Variants in POU6F2 observed in about 807,000 individuals in gnomAD.
POU6F2 encodes the protein POU domain, class 6, transcription factor 2.
Under a neutral mutation model 71.3 loss-of-function variants are expected in POU6F2, and 31 were observed. The observed-to-expected ratio is 0.43, with a 90% confidence interval of 0.33 to 0.59. The LOEUF is 0.59. Among genes scored for constraint, POU6F2 ranks in the 20% least tolerant of loss-of-function variants. POU6F2 has a pLI of 0.04. For synonymous variants in POU6F2, 347 were observed against 355.7 expected (o/e 0.98, Z 0.27); for missense variants, 783 against 856.8 (o/e 0.91, Z 1.07).
intron 2 of POU6F2, among the ~76,000 whole-genome samples, chr7:39,167,739 G>A (rs971454783): frequency 6.6e-6 from 1 of 151,518 alleles, no homozygotes; most frequent in Admixed American, 6.6e-5. Flanking sequence ...TGTATTGTTG[G>A]TGTATAGGCA....
chr7:39,082,031 T>C (rs891644993), intron 1 of POU6F2, among the ~76,000 whole-genome samples: 8 of 152,216 alleles, frequency 5.3e-5, no homozygotes, highest in African/African-American at 1.9e-4. Context: ...TGGGGTAACA[T>C]TAGATCCATC....
Position 39,323,500 on chromosome 7 carries a change from A to G in POU6F2, c.599-16142A>G, listed in dbSNP as rs186483340. On this transcript the variant is annotated intron_variant, in intron 4 of 9. Coordinates refer to ENST00000518318, the MANE Select transcript of POU6F2 (RefSeq NM_001370959.1). ...CCCCGTCTGCTGGCTGTGGATGGCCATGCACCATCAGCTTCTACCTCTGGA... is the reference window on the plus strand; with the variant it reads ...CCCCGTCTGCTGGCTGTGGATGGCCGTGCACCATCAGCTTCTACCTCTGGA... Among the ~76,000 whole-genome samples, 8 of 152,268 alleles carry G rather than the reference A, an allele frequency of 5.3e-5. No homozygotes were observed. In the East Asian group the frequency reaches 1.4e-3, roughly 26 times the overall value.
intron 2 of POU6F2, among the ~76,000 whole-genome samples, chr7:39,173,124 T>C (rs532607720): frequency 6.6e-6 from 1 of 152,326 alleles, no homozygotes; most frequent in East Asian, 1.9e-4. Flanking sequence ...GATATAAAAA[T>C]TACTAATGAG....
rs563645749 is a variant in POU6F2 at position 39,242,140 on chromosome 7, T to G, written c.598+34520T>G. On this transcript the variant is annotated intron_variant, in intron 4 of 9. Transcript: ENST00000518318. ...AAGGATATTTAGATGGTTTCCCTTT[T>G]ATTTTGGCAATGATAAACCCACTGT... 3.9e-5 allele frequency among the ~76,000 whole-genome samples: 6 copies of G among 152,298 alleles called. No homozygotes were observed. In the East Asian group the frequency reaches 1.2e-3, roughly 29 times the overall value.
intron 1 of POU6F2, among the ~76,000 whole-genome samples, chr7:39,062,383 T>C (rs771764785): frequency 5.9e-5 from 9 of 151,752 alleles, no homozygotes; most frequent in South Asian, 2.1e-4. Context: ...ACTCATGGGG[T>C]ATCATATTAG....
intron 4 of POU6F2, among the ~76,000 whole-genome samples, chr7:39,236,610 A>C (rs1417041133): frequency 2.6e-5 from 4 of 152,116 alleles, no homozygotes; most frequent in African/African-American, 9.7e-5. Flanking sequence ...CCTGGTGGAA[A>C]ATTTCATTTA....
chr7:38,990,499 G>A (rs967876391), intron 1 of POU6F2, among the ~76,000 whole-genome samples: 1 of 151,990 alleles, frequency 6.6e-6, no homozygotes, highest in East Asian at 1.9e-4. Flanking sequence ...ATCTCCTTTC[G>A]CTTTTACAAA....
intron 1 of POU6F2, among the ~76,000 whole-genome samples, chr7:38,995,986 C>T (rs1372727898): frequency 2.0e-5 from 3 of 148,364 alleles, no homozygotes; most frequent in African/African-American, 5.0e-5. Flanking sequence ...GCCTTTTGTG[C>T]AAGATATTGC....
chr7:39,313,882 T>C (rs1403678538), intron 4 of POU6F2, among the ~76,000 whole-genome samples: 2 of 152,222 alleles, frequency 1.3e-5, no homozygotes, highest in African/African-American at 4.8e-5. Flanking sequence ...TCATAAATGC[T>C]GAGCTTCCCT....
At chr7:39,096,193 T>C (rs762813077) in intron 2 of POU6F2, among the ~76,000 whole-genome samples, 16 of 152,078 alleles carry the variant, frequency 1.1e-4, no homozygotes, top group East Asian at 5.8e-4. Context: ...TACTTCCACA[T>C]GAGCTCTCAA....
At chr7:39,362,283 A>G (rs867758328) in intron 5 of POU6F2, among the ~76,000 whole-genome samples, 16,517 of 97,694 alleles carry the variant, frequency 0.17, 1,120 homozygotes, top group Non-Finnish European at 0.24. Context: ...AATGGCCAGA[A>G]AAAAAAAAAA....
At chr7:39,054,767 T>A (rs1212254914) in intron 1 of POU6F2, among the ~76,000 whole-genome samples, 2 of 108,578 alleles carry the variant, frequency 1.8e-5, no homozygotes, top group Non-Finnish European at 3.7e-5. Flanking sequence ...AGATCAGAGC[T>A]TTTTGGAGAC....
At chr7:39,281,927 A>G (rs1024126926) in intron 4 of POU6F2, among the ~76,000 whole-genome samples, 11 of 152,174 alleles carry the variant, frequency 7.2e-5, no homozygotes, top group African/African-American at 2.7e-4. Flanking sequence ...CCAACAGTGT[A>G]TAAGAGTTCC....
chr7:39,195,730 G>C (rs1201301813), intron 2 of POU6F2, among the ~76,000 whole-genome samples: 4 of 152,138 alleles, frequency 2.6e-5, no homozygotes, highest in Non-Finnish European at 5.9e-5. Flanking sequence ...GCTGCAAAGA[G>C]AGCCTTGGAG....
chr7:39,464,050 G>C lies in POU6F2; in HGVS notation c.1659-132G>C. The C allele has an allele frequency of 8.1e-7, 1 of 1,230,928 alleles. No individual in the cohort carries two copies. The highest frequency in any genetic ancestry group is 1.1e-6 in the Non-Finnish European group (1 of 874,068). The allele number at this position is 1,230,928 out of a possible 1,614,324, so 76.3% of individuals were successfully genotyped here. ...GGAGGGTGGGCGCTGGCTTGGGCAG[G>C]GCTGGCTACCTTGCAGCTGGCTATT... On this transcript the variant is annotated intron_variant, in intron 9 of 9. Coordinates refer to ENST00000518318, the MANE Select transcript of POU6F2 (RefSeq NM_001370959.1). This position sits in a 1 kb window ranked among gnomAD's most constrained non-coding sequence, Gnocchi z 4.1.
intron 2 of POU6F2, among the ~76,000 whole-genome samples, chr7:39,117,423 C>A (rs1335274503): frequency 2.0e-5 from 3 of 152,104 alleles, no homozygotes; most frequent in African/African-American, 7.2e-5. Flanking sequence ...TGAAAACATG[C>A]ATTTTTCTTC....
At chr7:39,056,037 CTTTGT>C (rs1790510081) in intron 1 of POU6F2, among the ~76,000 whole-genome samples, 1 of 150,610 alleles carries the variant, frequency 6.6e-6, no homozygotes, top group Non-Finnish European at 1.5e-5. Context: ...TTGGTATTTG[CTTTGT>C]TTTATTTGCA....
chr7:39,397,814 G>GTATATATATATATA (rs150006644), intron 5 of POU6F2, among the ~76,000 whole-genome samples: 6,178 of 128,152 alleles, frequency 0.048, 205 homozygotes, highest in Non-Finnish European at 0.056. Flanking sequence ...TATATTTTGT[G>GTATATATATATATA]TATATATATA....
chr7:39,080,755 T>C (rs965101065), intron 1 of POU6F2, among the ~76,000 whole-genome samples: 5 of 152,190 alleles, frequency 3.3e-5, no homozygotes, highest in African/African-American at 1.2e-4. Context: ...TCAAGCTCAG[T>C]GTAGAGAGAT....
Sources: gnomAD v4.1 joint callset for allele counts (sites outside exome capture counted in the v4.1 genomes callset) on GRCh38, gnomAD v4.1.1 for gene constraint, Gnocchi (gnomAD v3.1) non-coding constraint, MANE v1.5 for transcripts, NCBI Gene and HGNC (gene_info 2026-07-23, HGNC 2026-07-21) for gene names.